CPS1: variants seen among roughly 807,000 people sequenced by gnomAD.
CPS1 encodes carbamoyl-phosphate synthase 1, also known as carbamoyl-phosphate synthase [ammonia], mitochondrial.
A neutral mutation model predicts 174.6 loss-of-function variants in CPS1; 109 were observed. The ratio of observed to expected loss-of-function variants is 0.62; its 90% CI spans 0.53 to 0.73. The LOEUF (loss-of-function observed/expected upper bound fraction) is 0.73, where lower values mean the gene tolerates loss of function less well. Ranked by LOEUF, CPS1 falls within the 30% of genes least tolerant of loss-of-function variation. The pLI, the probability that CPS1 is intolerant of heterozygous loss-of-function variation, is 0.00. For synonymous variants in CPS1, 637 were observed against 632.0 expected, an observed-to-expected ratio of 1.01 and a Z score of -0.12; for missense variants, 1,689 against 1,821.9, an observed-to-expected ratio of 0.93 and a Z score of 1.33.
intron 33 of CPS1, among the ~76,000 whole-genome samples, chr2:210,666,886 G>A (rs890591987): frequency 6.6e-6 from 1 of 152,050 alleles, no homozygotes; most frequent in Admixed American, 6.5e-5. Flanking sequence ...AGCTTGATGG[G>A]GATGGCATTG....
At chr2:210,670,374 C>T (rs1005441151) in intron 34 of CPS1, among the ~76,000 whole-genome samples, 4 of 152,118 alleles carry the variant, frequency 2.6e-5, no homozygotes, top group East Asian at 1.9e-4. Flanking sequence ...ACTGAAAAAG[C>T]GTGACAGAAT....
chr2:210,598,847 C>T (rs1005691227), intron 13 of CPS1, among the ~76,000 whole-genome samples: 2 of 151,820 alleles, frequency 1.3e-5, no homozygotes, highest in Non-Finnish European at 2.9e-5. Flanking sequence ...CTAAACTTGA[C>T]ATTGGACCAA....
chr2:210,528,365 T>C (rs1200269202), intron 1 of CPS1, among the ~76,000 whole-genome samples: 2 of 151,954 alleles, frequency 1.3e-5, no homozygotes, highest in African/African-American at 4.8e-5. Flanking sequence ...AACAGCACAA[T>C]TAAGCTTTCT....
chr2:210,595,668 C>T, intron 13 of CPS1, 86 bp downstream of exon 13: 1 of 923,466 alleles, frequency 1.1e-6, no homozygotes, highest in Non-Finnish European at 1.7e-6. Flanking sequence ...TATGACACTA[C>T]CTCTTTTCAA....
At chr2:210,637,007 A>T (rs1046060862) in intron 21 of CPS1, among the ~76,000 whole-genome samples, 1 of 152,196 alleles carries the variant, frequency 6.6e-6, no homozygotes, top group Non-Finnish European at 1.5e-5. Flanking sequence ...ATCCAAACTG[A>T]TGCAATGTTG....
chr2:210,655,796 T>C (rs1386204324), intron 29 of CPS1, among the ~76,000 whole-genome samples: 2 of 152,196 alleles, frequency 1.3e-5, no homozygotes, highest in African/African-American at 4.8e-5. Context: ...AAATCTCTTA[T>C]GTAATTTATT....
At chr2:210,669,221 T>C (rs1215219596) in intron 34 of CPS1, among the ~76,000 whole-genome samples, 1 of 152,160 alleles carries the variant, frequency 6.6e-6, no homozygotes, top group Non-Finnish European at 1.5e-5. Context: ...TTTGGAATGC[T>C]TTTTATTACT....
intron 21 of CPS1, among the ~76,000 whole-genome samples, chr2:210,631,503 C>T (rs986116637): frequency 6.6e-6 from 1 of 152,118 alleles, no homozygotes; most frequent in African/African-American, 2.4e-5. Flanking sequence ...AGAAGCCGAG[C>T]CATGCTGTCT....
intron 33 of CPS1, among the ~76,000 whole-genome samples, chr2:210,663,962 A>T (rs77687825): frequency 0.025 from 3,862 of 152,260 alleles, 87 homozygotes; most frequent in Admixed American, 0.045. Flanking sequence ...AGGAAAACCT[A>T]AAAGGATAAA....
chr2:210,634,004 T>A (rs1699950015), intron 21 of CPS1, among the ~76,000 whole-genome samples: 1 of 152,220 alleles, frequency 6.6e-6, no homozygotes, highest in Non-Finnish European at 1.5e-5. Context: ...GAAAAATCGC[T>A]TATTTGTCAA....
At chr2:210,489,459 C>A (rs1033047681) in intron 1 of CPS1, among the ~76,000 whole-genome samples, 4 of 152,142 alleles carry the variant, frequency 2.6e-5, no homozygotes, top group Non-Finnish European at 5.9e-5. Context: ...CTTCCTTGCA[C>A]ATTGACCTTA....
intron 1 of CPS1, among the ~76,000 whole-genome samples, chr2:210,502,258 T>TATTA (rs1363974662): frequency 2.0e-5 from 3 of 152,006 alleles, no homozygotes; most frequent in African/African-American, 7.2e-5. Flanking sequence ...CCTTCTCGAA[T>TATTA]TAATGCTCAC....
In CPS1 at chr2:210,620,155, G is replaced by T. The variant is rs994773464; in HGVS notation, c.2687+3614G>T. On this transcript the variant is annotated intron_variant, in intron 21 of 37. Coordinates refer to ENST00000233072, the MANE Select transcript of CPS1 (RefSeq NM_001875.5). ...GTAAACAATAAATGTGCTTATTTAT[G>T]CAATAGCTTCAAACAATATATTTTA... 3.3e-5 allele frequency among the ~76,000 whole-genome samples: 5 copies of T among 152,124 alleles called. No individual in the cohort carries two copies. In the East Asian group the frequency reaches 9.7e-4, roughly 29 times the overall value.
At chr2:210,604,848 G>T in intron 16 of CPS1, 2 of 444,378 alleles carry the variant, frequency 4.5e-6, no homozygotes, top group Non-Finnish European at 8.2e-6. Context: ...TCCTAAATTA[G>T]TTTGATTTAC....
At chr2:210,564,735 G>A (rs1183789666) in intron 1 of CPS1, among the ~76,000 whole-genome samples, 1 of 151,480 alleles carries the variant, frequency 6.6e-6, no homozygotes, top group Non-Finnish European at 1.5e-5. Context: ...GCTCACACCT[G>A]TAATTCCAGC....
chr2:210,540,899 G>A (rs1017255403), intron 1 of CPS1, among the ~76,000 whole-genome samples: 2 of 152,006 alleles, frequency 1.3e-5, no homozygotes, highest in East Asian at 1.9e-4. Context: ...AATGGAAAAC[G>A]ATATCACGAA....
intron 1 of CPS1, among the ~76,000 whole-genome samples, chr2:210,511,906 C>T (rs1695505278): frequency 6.6e-6 from 1 of 152,034 alleles, no homozygotes; most frequent in Non-Finnish European, 1.5e-5. Flanking sequence ...ACATCAACAT[C>T]ATTCTCTAGT....
intron 21 of CPS1, among the ~76,000 whole-genome samples, chr2:210,627,420 C>G (rs1315858900): frequency 6.6e-6 from 1 of 152,106 alleles, no homozygotes; most frequent in Non-Finnish European, 1.5e-5. Flanking sequence ...TAAAACAACT[C>G]TTGAGCGTAG....
intron 1 of CPS1, among the ~76,000 whole-genome samples, chr2:210,559,732 A>T (rs1200947331): frequency 5.3e-5 from 8 of 152,142 alleles, no homozygotes. Context: ...AACCCCTGTT[A>T]TGCATTTCCT....
Sources: allele counts gnomAD v4.1 joint callset (sites outside exome capture counted in the v4.1 genomes callset), GRCh38; gene constraint gnomAD v4.1.1; transcripts MANE v1.5; gene names NCBI Gene and HGNC (gene_info 2026-07-23, HGNC 2026-07-21).